Variants in STPG2 observed in about 807,000 individuals in gnomAD.
STPG2 encodes the protein sperm-tail PG-rich repeat-containing protein 2.
In STPG2, 56 loss-of-function variants were observed where a neutral mutation model predicts 54.2. That is an observed-to-expected ratio of 1.03 (90% CI 0.83 to 1.29). The LOEUF (loss-of-function observed/expected upper bound fraction) is 1.29, where lower values mean the gene tolerates loss of function less well. STPG2 is among the 50% of genes most tolerant of loss of function. STPG2 has a pLI of 0.00. For missense variants in STPG2, 596 were observed against 544.9 expected (o/e 1.09, Z -0.93); for synonymous variants, 200 against 181.8 (o/e 1.10, Z -0.81).
At chr4:97,957,195 G>A (rs1733711613) in intron 7 of STPG2, among the ~76,000 whole-genome samples, 1 of 88,418 alleles carries the variant, frequency 1.1e-5, no homozygotes, top group South Asian at 4.3e-4. Flanking sequence ...ATGAAATGAA[G>A]GAAGAAATAT....
chr4:98,126,260 T>A (rs1266749532), intron 3 of STPG2, among the ~76,000 whole-genome samples: 1 of 151,994 alleles, frequency 6.6e-6, no homozygotes, highest in African/African-American at 2.4e-5. Context: ...TGGGCCAGAG[T>A]ATGAAAAACA....
chr4:97,710,580 T>C lies in STPG2; in HGVS notation c.1320+2119A>G, dbSNP rs111967347. On this transcript the variant is annotated intron_variant, in intron 10 of 10. Coordinates refer to ENST00000295268, the MANE Select transcript of STPG2 (RefSeq NM_174952.3). ...CAATTCTAAATCAATATCATGCATT[T>C]CTAGAATTATCTTTTCCTGTTAAAA... is the stretch of plus-strand genomic sequence containing the variant. 4.9e-3 allele frequency among the ~76,000 whole-genome samples: 749 copies of C among 152,174 alleles called. 3 individuals carry two copies. Among genetic ancestry groups the C allele is most frequent in the Middle Eastern group, 0.02 (6 of 294 alleles).
At chr4:97,589,846 C>A (rs143321397) in intron 10 of STPG2, among the ~76,000 whole-genome samples, 1 of 152,266 alleles carries the variant, frequency 6.6e-6, no homozygotes, top group Non-Finnish European at 1.5e-5. Context: ...CAAACACTTA[C>A]CACTGTGTTA....
At chr4:97,527,928 T>A (rs1312220794) in intron 4 of STPG2, among the ~76,000 whole-genome samples, 2 of 152,010 alleles carry the variant, frequency 1.3e-5, no homozygotes, top group Admixed American at 6.6e-5. Flanking sequence ...GATTTCAAAA[T>A]TTTTCTCCCA....
At chr4:97,725,634 G>C (rs1724598987) in intron 9 of STPG2, among the ~76,000 whole-genome samples, 1 of 150,516 alleles carries the variant, frequency 6.6e-6, no homozygotes, top group South Asian at 2.1e-4. Context: ...CAGAGAGAGA[G>C]AAAAAATATG....
intron 10 of STPG2, among the ~76,000 whole-genome samples, chr4:97,635,237 A>G (rs1216436783): frequency 6.6e-5 from 10 of 152,180 alleles, no homozygotes; most frequent in South Asian, 4.1e-4. Flanking sequence ...ATCCAGCCAA[A>G]CTAAGCTTCA....
intron 8 of STPG2, among the ~76,000 whole-genome samples, chr4:97,941,111 A>G (rs189849105): frequency 7.6e-4 from 116 of 152,250 alleles, no homozygotes; most frequent in African/African-American, 2.6e-3. Context: ...GAGAAATTTA[A>G]GAAAATATTA....
chr4:98,119,403 G>T (rs1316476228), intron 3 of STPG2, among the ~76,000 whole-genome samples: 1 of 151,782 alleles, frequency 6.6e-6, no homozygotes, highest in East Asian at 1.9e-4. Flanking sequence ...GATTAAAGAA[G>T]ACAAATACTG....
chr4:97,952,320 G>A (rs1733503248), intron 7 of STPG2, among the ~76,000 whole-genome samples: 1 of 152,136 alleles, frequency 6.6e-6, no homozygotes. Context: ...GAGCACCAGA[G>A]CTGCCTGACT....
At chr4:98,048,563 C>T (rs1446388191) in intron 5 of STPG2, 3 of 190,142 alleles carry the variant, frequency 1.6e-5, no homozygotes, top group Non-Finnish European at 1.1e-5. Context: ...CCATGCCCTG[C>T]TCTGAAGAGA....
intron 8 of STPG2, among the ~76,000 whole-genome samples, chr4:97,882,976 TACAC>T (rs34481744): frequency 0.012 from 1,834 of 146,954 alleles, 32 homozygotes; most frequent in African/African-American, 0.043. Context: ...ACATACCACA[TACAC>T]ACACACACAC....
At chr4:97,970,553 A>G (rs967032146) in intron 7 of STPG2, among the ~76,000 whole-genome samples, 2 of 152,212 alleles carry the variant, frequency 1.3e-5, no homozygotes, top group Non-Finnish European at 2.9e-5. Flanking sequence ...AAAACAAGAA[A>G]TGGGGAAAGG....
chr4:97,456,280 GAA>G (rs1729515963), intron 4 of STPG2, among the ~76,000 whole-genome samples: 1 of 152,114 alleles, frequency 6.6e-6, no homozygotes, highest in African/African-American at 2.4e-5. Flanking sequence ...AATCATGGCG[GAA>G]AGCAAAGGGG....
chr4:97,707,209 G>T (rs1723973763), intron 10 of STPG2, among the ~76,000 whole-genome samples: 1 of 152,132 alleles, frequency 6.6e-6, no homozygotes, highest in Non-Finnish European at 1.5e-5. Context: ...TAAGTAAAAT[G>T]TCTGAAGGCA....
chr4:98,008,906 T>C (rs1300649470), intron 5 of STPG2, among the ~76,000 whole-genome samples: 2 of 152,118 alleles, frequency 1.3e-5, no homozygotes, highest in Non-Finnish European at 2.9e-5. Context: ...CAATCTGTTC[T>C]AGGTTATCCA....
intron 4 of STPG2, among the ~76,000 whole-genome samples, chr4:97,478,117 G>C (rs573908415): frequency 6.6e-6 from 1 of 152,264 alleles, no homozygotes; most frequent in African/African-American, 2.4e-5. Flanking sequence ...TCTGCATGGA[G>C]TGACAGGCAA....
At chr4:97,724,158 T>A (rs1208584347) in intron 9 of STPG2, among the ~76,000 whole-genome samples, 1 of 152,202 alleles carries the variant, frequency 6.6e-6, no homozygotes, top group Non-Finnish European at 1.5e-5. Context: ...TAATATAGAT[T>A]TGCAGTGTGT....
At chr4:97,750,474 A>G (rs1351831880) in intron 9 of STPG2, among the ~76,000 whole-genome samples, 1 of 151,820 alleles carries the variant, frequency 6.6e-6, no homozygotes, top group Non-Finnish European at 1.5e-5. Flanking sequence ...TGGAATAAAA[A>G]TGGGAAAGAG....
intron 8 of STPG2, among the ~76,000 whole-genome samples, chr4:97,913,145 T>TATAATATAAGCTTCAAG (rs1280187339): frequency 2.0e-5 from 3 of 152,188 alleles, no homozygotes; most frequent in African/African-American, 7.2e-5. Context: ...TTCAGAGTTG[T>TATAATATAAGCTTCAAG]GACAGAGACA....
Sources: allele counts gnomAD v4.1 joint callset (sites outside exome capture counted in the v4.1 genomes callset), GRCh38; gene constraint gnomAD v4.1.1; transcripts MANE v1.5; gene names NCBI Gene and HGNC (gene_info 2026-07-23, HGNC 2026-07-21).